Variants in TBL1XR1 observed in about 807,000 individuals in gnomAD.
The protein encoded by TBL1XR1 is F-box-like/WD repeat-containing protein TBL1XR1.
TBL1XR1 carries 5 observed loss-of-function variants against 66.9 expected under a neutral mutation model. The observed-to-expected ratio is 0.07, with a 90% CI of 0.04 to 0.16. TBL1XR1 has a LOEUF of 0.16. TBL1XR1 is among the 10% of genes least tolerant of loss of function. The pLI is 1.00. For synonymous variants in TBL1XR1, 210 were observed against 206.0 expected (o/e 1.02, Z -0.17); for missense variants, 238 against 623.2 (o/e 0.38, Z 6.58).
chr3:177,075,091 T>C (rs147358207), intron 2 of TBL1XR1, among the ~76,000 whole-genome samples: 45 of 152,340 alleles, frequency 3.0e-4, no homozygotes, highest in Non-Finnish European at 6.2e-4. Context: ...CAGAAACTAA[T>C]TGTCTCATAG....
At chr3:177,185,615 A>AC (rs1735310762) in intron 1 of TBL1XR1, among the ~76,000 whole-genome samples, 1 of 151,934 alleles carries the variant, frequency 6.6e-6, no homozygotes, top group Non-Finnish European at 1.5e-5. Flanking sequence ...CCAAAAAAAA[A>AC]AAACCAGTAT....
At chr3:177,104,435 T>C (rs1293219644) in intron 1 of TBL1XR1, among the ~76,000 whole-genome samples, 1 of 152,174 alleles carries the variant, frequency 6.6e-6, no homozygotes, top group East Asian at 1.9e-4. Context: ...CATTACATCC[T>C]CCACTGTCCT....
intron 4 of TBL1XR1, among the ~76,000 whole-genome samples, chr3:177,052,225 T>C (rs770441712): frequency 5.9e-5 from 9 of 152,218 alleles, no homozygotes; most frequent in Non-Finnish European, 1.3e-4. Flanking sequence ...TCTTGAATAT[T>C]AGGGAGTTAT....
Position 177,025,111 on chromosome 3 carries a change from A to G in TBL1XR1, c.*387T>C, listed in dbSNP as rs1366268562. ...ACTGCTCACTACTGAAGGGAAAAAA[A>G]GAATATAATCCATGGTGTCTGCTGA... On this transcript the variant is annotated 3_prime_UTR_variant, in exon 16 of 16. Transcript: ENST00000457928. The G allele has an allele frequency of 1.0e-5, 2 of 191,238 alleles. No individual in the cohort carries two copies. The highest frequency in any genetic ancestry group is 2.1e-5 in the Non-Finnish European group (2 of 93,928). 11.8% of individuals were successfully genotyped at this position (191,238 alleles called of 1,614,324 possible).
At chr3:177,048,912 G>C (rs763386433) in intron 7 of TBL1XR1, among the ~76,000 whole-genome samples, 1 of 152,178 alleles carries the variant, frequency 6.6e-6, no homozygotes, top group African/African-American at 2.4e-5. Context: ...ACCAGGTAGC[G>C]TAAGAAAGCT....
At position 177,033,112 on chromosome 3, in the gene TBL1XR1, C is replaced by T. The variant is rs1357516146; in HGVS notation, c.1275G>A (p.Arg425=). 1 of 1,565,578 alleles carries T rather than the reference C, an allele frequency of 6.4e-7. No individual in the cohort carries two copies. Among genetic ancestry groups the T allele is most frequent in the Admixed American group, 1.9e-5 (1 of 53,074 alleles). ...LASASFDSTV[R]LWDVDRGICI... ...ATATCCCTCGGTCTACATCCCATAACCTAACAGTAGAATCAAAGGATGCAC... is the reference window on the plus strand; with the variant it reads ...ATATCCCTCGGTCTACATCCCATAATCTAACAGTAGAATCAAAGGATGCAC... The change falls in exon 14 of 16, where the codon AGG becomes AGA. Residue 425 remains arginine, a synonymous_variant. Coordinates refer to ENST00000457928, the MANE Select transcript of TBL1XR1 (RefSeq NM_024665.7).
chr3:177,032,094 A>G (rs776661842), intron 14 of TBL1XR1, among the ~76,000 whole-genome samples: 7 of 152,248 alleles, frequency 4.6e-5, no homozygotes, highest in Non-Finnish European at 8.8e-5. Flanking sequence ...GCGGTAAAAT[A>G]TTACTTTATA....
At chr3:177,135,866 G>T (rs1728934077) in intron 1 of TBL1XR1, among the ~76,000 whole-genome samples, 1 of 151,270 alleles carries the variant, frequency 6.6e-6, no homozygotes. Context: ...TAAATAAAAA[G>T]CACTCTGGAG....
At chr3:177,192,453 G>A (rs1293963080) in intron 1 of TBL1XR1, among the ~76,000 whole-genome samples, 4 of 149,700 alleles carry the variant, frequency 2.7e-5, no homozygotes, top group African/African-American at 9.8e-5. Context: ...AATGGTGCAA[G>A]TAGGCTTAAG....
intron 3 of TBL1XR1, among the ~76,000 whole-genome samples, chr3:177,063,583 T>G (rs1253816423): frequency 6.6e-6 from 1 of 152,236 alleles, no homozygotes; most frequent in African/African-American, 2.4e-5. Flanking sequence ...ACACAAGTAT[T>G]TGAAATTGTT....
intron 1 of TBL1XR1, among the ~76,000 whole-genome samples, chr3:177,104,205 A>G (rs1471083567): frequency 6.6e-6 from 1 of 152,110 alleles, no homozygotes; most frequent in African/African-American, 2.4e-5. Context: ...ATTAACTCCC[A>G]GGAAAAGTCA....
chr3:177,200,104 T>C (rs1209315863), upstream of TBL1XR1, among the ~76,000 whole-genome samples: 1 of 151,890 alleles, frequency 6.6e-6, no homozygotes, highest in Non-Finnish European at 1.5e-5. Context: ...TCCCGAGTAG[T>C]TGGGATTACA....
chr3:177,162,470 A>G (rs561113689), intron 1 of TBL1XR1, among the ~76,000 whole-genome samples: 8 of 152,322 alleles, frequency 5.3e-5, no homozygotes, highest in Admixed American at 3.9e-4. Context: ...GGCACAACTA[A>G]TTTATGGTAA....
intron 4 of TBL1XR1, 92 bp from the exon 5 acceptor site, chr3:177,051,818 T>C: frequency 1.4e-6 from 2 of 1,386,438 alleles, no homozygotes. Context: ...ATGAAAATCT[T>C]CGTTCCTAAA....
chr3:177,191,005 G>A (rs1380665947), intron 1 of TBL1XR1, among the ~76,000 whole-genome samples: 1 of 152,176 alleles, frequency 6.6e-6, no homozygotes, highest in Non-Finnish European at 1.5e-5. Context: ...AGGATTCATG[G>A]AAGAAGGGGG....
intron 1 of TBL1XR1, among the ~76,000 whole-genome samples, chr3:177,175,049 G>A (rs977833721): frequency 6.6e-6 from 1 of 152,170 alleles, no homozygotes; most frequent in East Asian, 1.9e-4. Context: ...TTTATTCCCT[G>A]ACACCTGCCT....
chr3:177,182,453 A>C (rs1409583260), intron 1 of TBL1XR1, among the ~76,000 whole-genome samples: 1 of 152,202 alleles, frequency 6.6e-6, no homozygotes, highest in Non-Finnish European at 1.5e-5. Context: ...GTGAAACTGG[A>C]TGTATCTCCT....
intron 1 of TBL1XR1, among the ~76,000 whole-genome samples, chr3:177,164,891 T>C (rs1223932593): frequency 6.6e-6 from 1 of 152,188 alleles, no homozygotes; most frequent in African/African-American, 2.4e-5. Flanking sequence ...CTCTACAGCA[T>C]TGTAGGAAAA....
At chr3:177,116,155 T>C (rs555550753) in intron 1 of TBL1XR1, among the ~76,000 whole-genome samples, 2 of 152,318 alleles carry the variant, frequency 1.3e-5, no homozygotes, top group African/African-American at 2.4e-5. Context: ...TTGTTTAAAA[T>C]GGTATTTTAC....
Sources: gnomAD v4.1 joint callset for allele counts (sites outside exome capture counted in the v4.1 genomes callset) on GRCh38, gnomAD v4.1.1 for gene constraint, MANE v1.5 for transcripts, NCBI Gene and HGNC (gene_info 2026-07-23, HGNC 2026-07-21) for gene names.